RIT2: variants seen among roughly 807,000 people sequenced by gnomAD.
The protein encoded by RIT2 is GTP-binding protein Rit2.
A neutral mutation model predicts 23.7 loss-of-function variants in RIT2; 24 were observed. The ratio of observed to expected loss-of-function variants is 1.01; its 90% CI spans 0.73 to 1.43. RIT2 has a LOEUF of 1.43. RIT2 is among the 40% of genes most tolerant of loss of function. The pLI, the probability that RIT2 is intolerant of heterozygous loss-of-function variation, is 0.00. For synonymous variants in RIT2, 107 were observed against 91.1 expected (o/e 1.17, Z -0.99); for missense variants, 236 against 266.9 (o/e 0.88, Z 0.81).
At chr18:42,873,245 T>G (rs1907663756) in intron 4 of RIT2, among the ~76,000 whole-genome samples, 1 of 152,190 alleles carries the variant, frequency 6.6e-6, no homozygotes. Flanking sequence ...GTAACTATAT[T>G]TATTTGCTTT....
At chr18:42,960,011 T>G (rs1251637035) in intron 3 of RIT2, among the ~76,000 whole-genome samples, 1 of 152,168 alleles carries the variant, frequency 6.6e-6, no homozygotes, top group Non-Finnish European at 1.5e-5. Flanking sequence ...TTTTAAAAAG[T>G]AAATTATATC....
chr18:42,851,990 C>A (rs1429639609), intron 4 of RIT2, among the ~76,000 whole-genome samples: 1 of 152,162 alleles, frequency 6.6e-6, no homozygotes, highest in East Asian at 1.9e-4. Context: ...ACAAAGTCCT[C>A]CCTGATTTTT....
intron 4 of RIT2, among the ~76,000 whole-genome samples, chr18:42,869,034 T>C (rs933725357): frequency 6.6e-6 from 1 of 152,214 alleles, no homozygotes; most frequent in Non-Finnish European, 1.5e-5. Context: ...CCCAAATATA[T>C]TTAAACGCAA....
At chr18:42,948,151 A>C (rs895495538) in intron 3 of RIT2, among the ~76,000 whole-genome samples, 4 of 152,138 alleles carry the variant, frequency 2.6e-5, no homozygotes, top group African/African-American at 9.7e-5. Context: ...ATTACATTTA[A>C]TCTTATGCAG....
intron 4 of RIT2, among the ~76,000 whole-genome samples, chr18:42,756,743 A>C (rs1286426819): frequency 6.6e-6 from 1 of 152,184 alleles, no homozygotes; most frequent in Non-Finnish European, 1.5e-5. Context: ...GATGTATATT[A>C]AATCAATGGT....
chr18:42,860,454 T>C (rs138568817), intron 4 of RIT2, among the ~76,000 whole-genome samples: 83 of 152,298 alleles, frequency 5.4e-4, no homozygotes, highest in African/African-American at 1.9e-3. Flanking sequence ...AAAGTTGATT[T>C]TAATAATTTT....
At chr18:43,098,814 T>G (rs558099967) in intron 1 of RIT2, among the ~76,000 whole-genome samples, 1 of 152,110 alleles carries the variant, frequency 6.6e-6, no homozygotes, top group African/African-American at 2.4e-5. Context: ...ACAACATTAC[T>G]GAAGGAATGG....
At chr18:42,994,581 C>A (rs1910933671) in intron 2 of RIT2, among the ~76,000 whole-genome samples, 3 of 152,198 alleles carry the variant, frequency 2.0e-5, no homozygotes, top group African/African-American at 7.2e-5. Context: ...CCCACCCTAG[C>A]TCTCCCTGAC....
chr18:42,895,331 T>G (rs1908299296), intron 4 of RIT2, among the ~76,000 whole-genome samples: 1 of 152,206 alleles, frequency 6.6e-6, no homozygotes, highest in Non-Finnish European at 1.5e-5. Flanking sequence ...TCCTATTTTC[T>G]GACATTGAGA....
chr18:42,890,492 G>A (rs1003139410), intron 4 of RIT2, among the ~76,000 whole-genome samples: 1 of 150,834 alleles, frequency 6.6e-6, no homozygotes, highest in Non-Finnish European at 1.5e-5. Flanking sequence ...AGGGAGTCAA[G>A]GAGGGAGGGA....
At chr18:43,066,869 A>T (rs1034633747) in intron 1 of RIT2, among the ~76,000 whole-genome samples, 1 of 151,476 alleles carries the variant, frequency 6.6e-6, no homozygotes, top group African/African-American at 2.4e-5. Context: ...TAAAGTGAAC[A>T]GTTGGAAGCA....
At chr18:42,842,029 T>A (rs987241192) in intron 4 of RIT2, among the ~76,000 whole-genome samples, 2 of 152,266 alleles carry the variant, frequency 1.3e-5, no homozygotes, top group Non-Finnish European at 2.9e-5. Context: ...TTTCCCATTG[T>A]TCCAGACAAC....
chr18:42,801,663 A>G (rs1299718572), intron 4 of RIT2, among the ~76,000 whole-genome samples: 1 of 152,234 alleles, frequency 6.6e-6, no homozygotes, highest in Non-Finnish European at 1.5e-5. Flanking sequence ...GCCTAGAGGA[A>G]ATCATACCAA....
intron 2 of RIT2, among the ~76,000 whole-genome samples, chr18:42,979,898 C>G (rs949908418): frequency 3.3e-5 from 5 of 151,996 alleles, no homozygotes; most frequent in Non-Finnish European, 7.4e-5. Flanking sequence ...ATTAGAAGTA[C>G]TTTGAAGGGT....
intron 1 of RIT2, among the ~76,000 whole-genome samples, chr18:43,055,656 G>A (rs373914384): frequency 6.6e-6 from 1 of 152,068 alleles, no homozygotes. Flanking sequence ...TTTGAGAAAA[G>A]ATGTAATTTA....
chr18:42,796,074 G>T (rs1905342046), intron 4 of RIT2, among the ~76,000 whole-genome samples: 1 of 152,082 alleles, frequency 6.6e-6, no homozygotes, highest in Non-Finnish European at 1.5e-5. Flanking sequence ...ACCCGCTCAG[G>T]TCCTCTTCCA....
At chr18:43,006,434 C>T (rs1911230097) in intron 2 of RIT2, among the ~76,000 whole-genome samples, 1 of 151,500 alleles carries the variant, frequency 6.6e-6, no homozygotes, top group African/African-American at 2.4e-5. Flanking sequence ...GAATGTTACC[C>T]AGTGTTTTTT....
chr18:42,950,597 T>C (rs1332833038), intron 3 of RIT2, among the ~76,000 whole-genome samples: 1 of 151,538 alleles, frequency 6.6e-6, no homozygotes, highest in Non-Finnish European at 1.5e-5. Flanking sequence ...TTCAATAGAG[T>C]AAACAGACAA....
At chr18:43,079,841 G>A (rs556808996) in intron 1 of RIT2, among the ~76,000 whole-genome samples, 17 of 152,284 alleles carry the variant, frequency 1.1e-4, no homozygotes, top group Middle Eastern at 3.4e-3. Context: ...GGAAGCCTCT[G>A]CCTTTGAATT....
Sources: allele counts gnomAD v4.1 joint callset (sites outside exome capture counted in the v4.1 genomes callset), GRCh38; gene constraint gnomAD v4.1.1; transcripts MANE v1.5; gene names NCBI Gene and HGNC (gene_info 2026-07-23, HGNC 2026-07-21).